CIT: variants seen among roughly 807,000 people sequenced by gnomAD.
CIT encodes citron Rho-interacting kinase.
Under a neutral mutation model 272.7 loss-of-function variants are expected in CIT, and 79 were observed. The ratio of observed to expected loss-of-function variants is 0.29; its 90% CI spans 0.24 to 0.35. The LOEUF (loss-of-function observed/expected upper bound fraction) is 0.35, where lower values mean the gene tolerates loss of function less well. CIT is among the 10% of genes least tolerant of loss of function. CIT has a pLI of 1.00. For synonymous variants in CIT, 948 were observed against 995.6 expected (o/e 0.95, Z 0.90); for missense variants, 1,909 against 2,618.3 (o/e 0.73, Z 5.91).
At chr12:119,786,495 G>A (rs1402553839) in intron 10 of CIT, among the ~76,000 whole-genome samples, 1 of 152,220 alleles carries the variant, frequency 6.6e-6, no homozygotes, top group Non-Finnish European at 1.5e-5. Flanking sequence ...GACAAGGCCA[G>A]AGCAAGTGGC....
At chr12:119,721,922 T>C (rs1957829466) in intron 28 of CIT, among the ~76,000 whole-genome samples, 1 of 152,146 alleles carries the variant, frequency 6.6e-6, no homozygotes, top group South Asian at 2.1e-4. Flanking sequence ...AGAAATCATA[T>C]CATCCCTTAC....
rs1421100255 is a variant in CIT at position 119,768,030 on chromosome 12, G to C, written c.2209-848C>G. On this transcript the variant is annotated intron_variant, in intron 18 of 47. Coordinates refer to ENST00000392521, the MANE Select transcript of CIT (RefSeq NM_001206999.2). The surrounding 1 kb of genome is among the most constrained non-coding windows in gnomAD (Gnocchi z 4.3). ...AGGTTCAAGCAATTCTCATGTCTCA[G>C]TCTCCCAAGTAGCTGGGATTATAGG... Among the ~76,000 whole-genome samples the C allele has an allele frequency of 6.6e-6, 1 of 151,258 alleles. No homozygotes were observed. Among genetic ancestry groups the C allele is most frequent in the Non-Finnish European group, 1.5e-5 (1 of 67,962 alleles).
chr12:119,722,534 C>T (rs528667641), intron 28 of CIT, among the ~76,000 whole-genome samples: 12 of 152,300 alleles, frequency 7.9e-5, no homozygotes, highest in Admixed American at 2.0e-4. Context: ...TGCCCTTCCT[C>T]TTAACATGTA....
chr12:119,833,405 G>C (rs906195646), intron 6 of CIT, among the ~76,000 whole-genome samples: 16 of 152,110 alleles, frequency 1.1e-4, no homozygotes, highest in African/African-American at 3.4e-4. Flanking sequence ...GGTGGCTCAT[G>C]CCTGTAATCC....
chr12:119,789,197 T>C (rs765828623), intron 10 of CIT, among the ~76,000 whole-genome samples: 3 of 152,214 alleles, frequency 2.0e-5, no homozygotes, highest in African/African-American at 4.8e-5. Flanking sequence ...TGCTGAGTGA[T>C]TGTAATGTAC....
intron 10 of CIT, among the ~76,000 whole-genome samples, chr12:119,791,760 T>C (rs1965329370): frequency 6.6e-6 from 1 of 152,182 alleles, no homozygotes; most frequent in Non-Finnish European, 1.5e-5. Flanking sequence ...TAGAAAAACT[T>C]ACTCTGAAAT....
chr12:119,749,245 C>T (rs2137390657), intron 23 of CIT, among the ~76,000 whole-genome samples: 1 of 152,310 alleles, frequency 6.6e-6, no homozygotes, highest in African/African-American at 2.4e-5. Flanking sequence ...ACAATCATAG[C>T]ACATTTGACT....
In CIT at chr12:119,698,546, C is replaced by T. The variant is rs542077210; in HGVS notation, c.5624-492G>A. Among the ~76,000 whole-genome samples the T allele has an allele frequency of 6.7e-5, 10 of 149,750 alleles. No homozygotes were observed. In the East Asian group the frequency reaches 1.8e-3, roughly 27 times the overall value. On this transcript the variant is annotated intron_variant, in intron 44 of 47. Transcript: ENST00000392521. Reference sequence around the variant, plus strand: ...CAGAGGTTGCAGTGAGCTGAGATGGCACCACTGCACTCCGACCTGGGCAAC... The same window carrying T: ...CAGAGGTTGCAGTGAGCTGAGATGGTACCACTGCACTCCGACCTGGGCAAC...
At chr12:119,775,234 C>T (rs533880528) in intron 16 of CIT, among the ~76,000 whole-genome samples, 37 of 152,300 alleles carry the variant, frequency 2.4e-4, no homozygotes, top group Admixed American at 2.0e-4. Context: ...GATCACACCA[C>T]TGCACTCCAG....
chr12:119,709,953 T>C (rs901150336), intron 39 of CIT, among the ~76,000 whole-genome samples: 1 of 152,088 alleles, frequency 6.6e-6, no homozygotes, highest in African/African-American at 2.4e-5. Context: ...GGTGGTTTCG[T>C]TGCAATCAGG....
chr12:119,784,777 C>G lies in CIT; in HGVS notation c.1401+183G>C. On this transcript the variant is annotated intron_variant, in intron 11 of 47. Transcript: ENST00000392521. This position sits in a 1 kb window ranked among gnomAD's most constrained non-coding sequence, Gnocchi z 4.7. The stretch of plus-strand genomic sequence containing the variant: ...TTTAGATTTAAAGGATTTACAGCAA[C>G]AGCAAGGCCCGAATTCATCTCCCTC... The G allele has an allele frequency of 7.0e-7, 1 of 1,424,810 alleles. No individual in the cohort carries two copies. Among genetic ancestry groups the G allele is most frequent in the East Asian group, 2.5e-5 (1 of 39,322 alleles). 88.3% of individuals were successfully genotyped at this position (1,424,810 alleles called of 1,614,324 possible). A position where few individuals can be genotyped will look rare whatever the true frequency, so the allele number is the denominator to read the frequency against.
chr12:119,775,266 C>T (rs1222993264), intron 16 of CIT, among the ~76,000 whole-genome samples: 3 of 152,150 alleles, frequency 2.0e-5, no homozygotes, highest in African/African-American at 7.2e-5. Flanking sequence ...GAGCAAGACT[C>T]CATCTCAAAA....
At chr12:119,753,084 G>A (rs1593600585) in intron 22 of CIT, among the ~76,000 whole-genome samples, 5 of 152,240 alleles carry the variant, frequency 3.3e-5, no homozygotes, top group Admixed American at 3.3e-4. Context: ...AAGGTATGGG[G>A]GTGAGGGAGA....
At chr12:119,760,626 CAAAA>C (rs55758251) in intron 20 of CIT, among the ~76,000 whole-genome samples, 1 of 119,258 alleles carries the variant, frequency 8.4e-6, no homozygotes. Context: ...AACCCCACCT[CAAAA>C]AAAAAAAAAA....
chr12:119,856,736 T>C (rs1950181969), intron 4 of CIT, among the ~76,000 whole-genome samples: 1 of 151,080 alleles, frequency 6.6e-6, no homozygotes, highest in African/African-American at 2.5e-5. Flanking sequence ...AATTTGCTAA[T>C]TGCTCTCCCA....
At position 119,784,705 on chromosome 12, in the gene CIT, T is replaced by C; in HGVS notation, c.1401+255A>G. On this transcript the variant is annotated intron_variant, in intron 11 of 47. Coordinates refer to ENST00000392521, the MANE Select transcript of CIT (RefSeq NM_001206999.2). The surrounding 1 kb of genome is among the most constrained non-coding windows in gnomAD (Gnocchi z 4.7). ...CTGCCGGAAGAAGCAGACATCTGGCTGGGTCATGCTGAGAAACGGACTGTT... is the reference window on the plus strand; with the variant it reads ...CTGCCGGAAGAAGCAGACATCTGGCCGGGTCATGCTGAGAAACGGACTGTT... 7.5e-7 allele frequency: 1 copy of C among 1,337,628 alleles called. No individual in the cohort carries two copies. Among genetic ancestry groups the C allele is most frequent in the Non-Finnish European group, 9.6e-7 (1 of 1,045,512 alleles). The allele number at this position is 1,337,628 out of a possible 1,614,324, so 82.9% of individuals were successfully genotyped here.
chr12:119,720,345 C>T (rs1689037313), intron 30 of CIT, 133 bp downstream of exon 30: 1 of 648,888 alleles, frequency 1.5e-6, no homozygotes, highest in African/African-American at 1.9e-5. Context: ...TTTTTCAACC[C>T]AAAATAAAAC....
chr12:119,708,446 A>G (rs1956987306), intron 39 of CIT, 128 bp from the exon 40 acceptor site: 1 of 920,872 alleles, frequency 1.1e-6, no homozygotes, highest in Non-Finnish European at 1.5e-6. Flanking sequence ...GTTTTCCACA[A>G]ATCCATATAA....
At chr12:119,773,138 CT>C (rs1460804765) in intron 16 of CIT, among the ~76,000 whole-genome samples, 1 of 151,826 alleles carries the variant, frequency 6.6e-6, no homozygotes, top group South Asian at 2.1e-4. Flanking sequence ...CTAAGGTGCA[CT>C]TTTTTTAACA....
Sources: gnomAD v4.1 joint callset for allele counts (sites outside exome capture counted in the v4.1 genomes callset) on GRCh38, gnomAD v4.1.1 for gene constraint, Gnocchi (gnomAD v3.1) non-coding constraint, MANE v1.5 for transcripts, NCBI Gene and HGNC (gene_info 2026-07-23, HGNC 2026-07-21) for gene names.